LRRK1: variants seen among roughly 807,000 people sequenced by gnomAD.
The protein encoded by LRRK1 is leucine-rich repeat serine/threonine-protein kinase 1.
Under a neutral mutation model 209.1 loss-of-function variants are expected in LRRK1, and 113 were observed. The ratio of observed to expected loss-of-function variants is 0.54; its 90% confidence interval spans 0.46 to 0.63. The LOEUF (loss-of-function observed/expected upper bound fraction) is 0.63, where lower values mean the gene tolerates loss of function less well. LRRK1 is among the 30% of genes least tolerant of loss of function. LRRK1 has a pLI of 0.00. For synonymous variants in LRRK1, 1,144 were observed against 1,099.7 expected (o/e 1.04, Z -0.80); for missense variants, 2,284 against 2,632.2 (o/e 0.87, Z 2.89).
At chr15:100,941,448 G>GTGTCTCTGTGTGTGTCTGTGTGTC (rs1194366772) in intron 2 of LRRK1, among the ~76,000 whole-genome samples, 1 of 18,116 alleles carries the variant, frequency 5.5e-5, no homozygotes, top group Non-Finnish European at 1.7e-4. Flanking sequence ...GTGTGTGTCT[G>GTGTCTCTGTGTGTGTCTGTGTGTC]TGTGTGTCTA....
chr15:100,921,510 T>A (rs1252494504), intron 1 of LRRK1, among the ~76,000 whole-genome samples: 2 of 151,874 alleles, frequency 1.3e-5, no homozygotes, highest in Non-Finnish European at 2.9e-5. Context: ...TGAATGAGCA[T>A]GTCTAGCATG....
chr15:100,998,676 C>T (rs1316593466), intron 6 of LRRK1, among the ~76,000 whole-genome samples: 1 of 148,940 alleles, frequency 6.7e-6, no homozygotes, highest in African/African-American at 2.5e-5. Context: ...TGGATAGTTG[C>T]TTGGATAGAT....
chr15:100,942,639 G>A (rs987172897), intron 2 of LRRK1, among the ~76,000 whole-genome samples: 2 of 152,184 alleles, frequency 1.3e-5, no homozygotes, highest in Admixed American at 6.5e-5. Context: ...AAATTAAAAT[G>A]TTTCAATTAA....
chr15:101,015,801 C>T (rs1452177460), intron 12 of LRRK1, among the ~76,000 whole-genome samples: 1 of 152,116 alleles, frequency 6.6e-6, no homozygotes, highest in Admixed American at 6.5e-5. Flanking sequence ...GCTTGGCTGC[C>T]ACACCAAAAT....
intron 2 of LRRK1, among the ~76,000 whole-genome samples, chr15:100,968,749 T>C (rs1375036131): frequency 6.7e-6 from 1 of 150,368 alleles, no homozygotes; most frequent in African/African-American, 2.5e-5. Flanking sequence ...TTTTCCTTTC[T>C]TTCTTTCCTT....
chr15:101,025,164 C>T (rs542653512), intron 16 of LRRK1, among the ~76,000 whole-genome samples, 197 bp downstream of exon 16: 1 of 152,172 alleles, frequency 6.6e-6, no homozygotes, highest in South Asian at 2.1e-4. Flanking sequence ...GATGTAATTT[C>T]CCCGCTTCCC....
At chr15:101,039,942 T>A (rs963875048) in intron 20 of LRRK1, among the ~76,000 whole-genome samples, 4 of 152,334 alleles carry the variant, frequency 2.6e-5, no homozygotes, top group African/African-American at 9.6e-5. Context: ...CATGATTTAT[T>A]ATCTTTTTTA....
Position 101,024,308 on chromosome 15 carries a change from G to GCCGTTC in LRRK1, c.2068-491_2068-486dup, listed in dbSNP as rs1468455535. Among the ~76,000 whole-genome samples, 1 of 152,228 alleles carries GCCGTTC rather than the reference G, an allele frequency of 6.6e-6. No individual in the cohort carries two copies. Among genetic ancestry groups the GCCGTTC allele is most frequent in the Non-Finnish European group, 1.5e-5 (1 of 68,046 alleles). On this transcript the variant is annotated intron_variant, in intron 15 of 33. Coordinates refer to ENST00000388948, the MANE Select transcript of LRRK1 (RefSeq NM_024652.6). This position sits in a 1 kb window ranked among gnomAD's most constrained non-coding sequence, Gnocchi z 4.6. ...TGATAGAGAAACCACCGTTTACACA[G>GCCGTTC]CCGTTCCCGGCAGCCCAACAGCTCA... is the stretch of plus-strand genomic sequence containing the variant.
At position 101,069,166 on chromosome 15, in the gene LRRK1, C is replaced by A. The variant is rs562617450; in HGVS notation, c.*318C>A. 1.1e-3 allele frequency: 249 copies of A among 228,506 alleles called. No homozygotes were observed. Among genetic ancestry groups the A allele is most frequent in the Admixed American group, 3.1e-3 (60 of 19,048 alleles). The allele number at this position is 228,506 out of a possible 1,614,324, so 14.2% of individuals were successfully genotyped here. On this transcript the variant is annotated 3_prime_UTR_variant, in exon 34 of 34. Transcript: ENST00000388948. ...GTTTGCAGGAGCAGGGGTGCAGGAT[C>A]CTGTTCTGAGCTGGGTCAAACAAAG...
intron 24 of LRRK1, 58 bp downstream of exon 24, chr15:101,052,018 TG>T: frequency 6.4e-7 from 1 of 1,570,576 alleles, no homozygotes; most frequent in Non-Finnish European, 8.7e-7. Context: ...CGTTCCTCGC[TG>T]TGCAGTTGCC....
chr15:100,939,933 T>C (rs527358248), intron 2 of LRRK1, among the ~76,000 whole-genome samples: 2 of 152,344 alleles, frequency 1.3e-5, no homozygotes, highest in East Asian at 3.9e-4. Flanking sequence ...TATTTGATTC[T>C]TGATGCTAAC....
rs2036931454 is a variant in LRRK1 at position 101,074,983 on chromosome 15, C to T, written c.*6135C>T. 1 of 144,934 alleles carries T rather than the reference C, an allele frequency of 6.9e-6. No homozygotes were observed. The highest frequency in any genetic ancestry group is 1.5e-5 in the Non-Finnish European group (1 of 66,524). The allele number at this position is 144,934 out of a possible 1,614,324, so 9.0% of individuals were successfully genotyped here. On this transcript the variant is annotated 3_prime_UTR_variant, in exon 34 of 34. Transcript: ENST00000388948. ...CCAAGGCTCTCTGACTGACTCCTTC[C>T]CAGATCTTCTTGGCTTAGCGGCTGA...
intron 1 of LRRK1, among the ~76,000 whole-genome samples, chr15:100,923,319 C>G (rs1028824909): frequency 6.6e-6 from 1 of 152,170 alleles, no homozygotes; most frequent in Non-Finnish European, 1.5e-5. Context: ...CACAGGCAGT[C>G]CACACCTTTA....
Position 101,068,818 on chromosome 15 carries a change from G to C in LRRK1, c.6018G>C (p.Arg2006=). ...IFYQSYEELG[R]LEACTRKRR ...ACCAGTCCTACGAGGAGCTGGGCCG[G>C]CTGGAGGCTTGCACTCGCAAGAGAA... Residue 2006 remains arginine, a synonymous_variant, in exon 34 of 34, where the codon CGG becomes CGC. Coordinates refer to ENST00000388948, the MANE Select transcript of LRRK1 (RefSeq NM_024652.6). 1 of 1,609,398 alleles carries C rather than the reference G, an allele frequency of 6.2e-7. No homozygotes were observed. Among genetic ancestry groups the C allele is most frequent in the South Asian group, 1.1e-5 (1 of 90,552 alleles).
At position 101,022,983 on chromosome 15, in the gene LRRK1, G is replaced by A. The variant is rs1344828306; in HGVS notation, c.2067+386G>A. Among the ~76,000 whole-genome samples the A allele has an allele frequency of 6.6e-6, 1 of 151,856 alleles. No individual in the cohort carries two copies. Among genetic ancestry groups the A allele is most frequent in the Non-Finnish European group, 1.5e-5 (1 of 67,988 alleles). ...GGCTGTCTGTTAGATTCCCTTGAGG[G>A]GCTTTTAAAGATAGCAATTCCCAGG... On this transcript the variant is annotated intron_variant, in intron 15 of 33. Coordinates refer to ENST00000388948, the MANE Select transcript of LRRK1 (RefSeq NM_024652.6). The surrounding 1 kb of genome is among the most constrained non-coding windows in gnomAD (Gnocchi z 4.0).
intron 9 of LRRK1, among the ~76,000 whole-genome samples, chr15:101,011,310 TA>T (rs542617086): frequency 0.018 from 2,429 of 138,112 alleles, 29 homozygotes; most frequent in African/African-American, 0.042. Context: ...CTACTAAAAT[TA>T]AAAAAAAAAA....
Position 101,021,150 on chromosome 15 carries a change from A to G in LRRK1, c.1707A>G (p.Leu569=), listed in dbSNP as rs892311278. Residue 569 remains leucine (L), a synonymous_variant, in exon 13 of 34, where the codon CTA becomes CTG. Coordinates refer to ENST00000388948, the MANE Select transcript of LRRK1 (RefSeq NM_024652.6). ...ACACAGTCCCTCCCTCGGTTTGCCT[A>G]CTGAAGAGCTTATCAGAGCTCTACT... The part of the protein sequence containing the change: ...HLDTVPPSVC[L]LKSLSELYLG... 1 of 1,613,950 alleles carries G rather than the reference A, an allele frequency of 6.2e-7. No homozygotes were observed. The highest frequency in any genetic ancestry group is 1.3e-5 in the African/African-American group (1 of 74,898).
At chr15:101,045,095 G>A (rs538839892) in intron 20 of LRRK1, among the ~76,000 whole-genome samples, 2 of 152,228 alleles carry the variant, frequency 1.3e-5, no homozygotes, top group African/African-American at 2.4e-5. Context: ...GTGTCAGAGC[G>A]TGTAAGTGAG....
intron 28 of LRRK1, 38 bp downstream of exon 28, chr15:101,057,088 T>A (rs762883934): frequency 3.3e-6 from 5 of 1,523,626 alleles, no homozygotes; most frequent in Middle Eastern, 1.8e-4. Context: ...TGGGACCTCC[T>A]GCCATGTGAG....
Sources: allele counts gnomAD v4.1 joint callset (sites outside exome capture counted in the v4.1 genomes callset), GRCh38; gene constraint gnomAD v4.1.1; non-coding constraint Gnocchi (gnomAD v3.1); transcripts MANE v1.5; gene names NCBI Gene and HGNC (gene_info 2026-07-23, HGNC 2026-07-21).